DHRSX: variants seen among roughly 807,000 people sequenced by gnomAD.
DHRSX encodes the protein dehydrogenase/reductase X-linked.
In DHRSX, 31 loss-of-function variants were observed where a neutral mutation model predicts 34.0. The ratio of observed to expected loss-of-function variants is 0.91; its 90% CI spans 0.69 to 1.23. DHRSX has a LOEUF of 1.23. Among genes scored for constraint, DHRSX ranks in the 50% most tolerant of loss-of-function variants. The pLI, the probability that DHRSX is intolerant of heterozygous loss-of-function variation, is 0.00. For synonymous variants in DHRSX, 201 were observed against 183.8 expected (o/e 1.09, Z -0.76); for missense variants, 414 against 428.1 (o/e 0.97, Z 0.29).
intron 3 of DHRSX, among the ~76,000 whole-genome samples, chrX:2,361,897 AAATT>A (rs1387955008): frequency 5.3e-5 from 8 of 152,286 alleles, no homozygotes; most frequent in Admixed American, 4.6e-4. Context: ...TTTTCTTCAA[AAATT>A]AATTACAGAG....
At chrX:2,353,133 T>G (rs1170569081) in intron 3 of DHRSX, among the ~76,000 whole-genome samples, 1 of 152,164 alleles carries the variant, frequency 6.6e-6, no homozygotes, top group East Asian at 1.9e-4. Context: ...CAGTCGTAGC[T>G]ACTCGAGAGA....
intron 3 of DHRSX, among the ~76,000 whole-genome samples, chrX:2,314,418 GAAGGA>G: frequency 1.0e-5 from 1 of 98,000 alleles, no homozygotes; most frequent in African/African-American, 6.7e-5. Context: ...GGGAGGGAAG[GAAGGA>G]AGGGGAGAAG....
intron 5 of DHRSX, among the ~76,000 whole-genome samples, chrX:2,250,500 G>C (rs142449139): frequency 0.018 from 2,702 of 152,198 alleles, 27 homozygotes; most frequent in Non-Finnish European, 0.03. Flanking sequence ...TTCTGGGACA[G>C]GGGTGACCAA....
chrX:2,299,609 C>T (rs2041987111), intron 3 of DHRSX, among the ~76,000 whole-genome samples: 1 of 152,106 alleles, frequency 6.6e-6, no homozygotes, highest in South Asian at 2.1e-4. Flanking sequence ...AACCCCAGCA[C>T]TTTGGGAGGC....
chrX:2,344,961 G>T (rs1457108138), intron 3 of DHRSX, among the ~76,000 whole-genome samples: 4 of 138,398 alleles, frequency 2.9e-5, no homozygotes, highest in African/African-American at 1.1e-4. Flanking sequence ...TAAAAATTTT[G>T]AATTTTATAA....
chrX:2,392,837 G>C (rs1158675877), intron 3 of DHRSX, among the ~76,000 whole-genome samples: 1 of 139,634 alleles, frequency 7.2e-6, no homozygotes, highest in Non-Finnish European at 1.5e-5. Context: ...ATAATTTATA[G>C]TTATCATTAT....
At chrX:2,497,307 C>T (rs766150622) in intron 1 of DHRSX, among the ~76,000 whole-genome samples, 23 of 152,250 alleles carry the variant, frequency 1.5e-4, no homozygotes, top group South Asian at 8.3e-4. Flanking sequence ...GCAGGAGAAT[C>T]GCTTGAACCC....
chrX:2,436,230 TAAAAC>T (rs1021078973), intron 1 of DHRSX, among the ~76,000 whole-genome samples: 2 of 151,628 alleles, frequency 1.3e-5, no homozygotes, highest in African/African-American at 4.8e-5. Flanking sequence ...AAATAAATAA[TAAAAC>T]AAAACTAAAA....
At chrX:2,257,646 A>G (rs188134937) in intron 5 of DHRSX, among the ~76,000 whole-genome samples, 57 of 152,018 alleles carry the variant, frequency 3.7e-4, no homozygotes, top group African/African-American at 1.4e-3. Context: ...ATTTTTTGAG[A>G]CAGAGTTTCG....
intron 1 of DHRSX, among the ~76,000 whole-genome samples, chrX:2,442,960 T>A (rs1266888341): frequency 3.9e-5 from 6 of 152,086 alleles, no homozygotes; most frequent in African/African-American, 1.2e-4. Context: ...ATGACTTGTG[T>A]GTGTGTCAAT....
chrX:2,344,665 G>A (rs1375384753), intron 3 of DHRSX, among the ~76,000 whole-genome samples: 1 of 151,782 alleles, frequency 6.6e-6, no homozygotes, highest in Admixed American at 6.6e-5. Flanking sequence ...GTTGAACAAT[G>A]AGAACACATG....
At chrX:2,221,490 T>A (rs1569475509) in intron 6 of DHRSX, among the ~76,000 whole-genome samples, 4 of 152,194 alleles carry the variant, frequency 2.6e-5, no homozygotes, top group Non-Finnish European at 4.4e-5. Context: ...ACTAGGCAGA[T>A]GCATATTAAA....
At chrX:2,443,823 A>G (rs1279572554) in intron 1 of DHRSX, among the ~76,000 whole-genome samples, 3 of 152,000 alleles carry the variant, frequency 2.0e-5, no homozygotes, top group Non-Finnish European at 2.9e-5. Context: ...TGGCCAACAC[A>G]GTGAAACCCC....
At chrX:2,262,552 C>T (rs1378526447) in intron 5 of DHRSX, among the ~76,000 whole-genome samples, 2 of 152,174 alleles carry the variant, frequency 1.3e-5, no homozygotes, top group Non-Finnish European at 2.9e-5. Context: ...TGGTACACAC[C>T]TCACCTGTGC....
rs2015487260 is a variant in DHRSX at position 2,219,928 on chromosome X, A to G, written c.*1113T>C. The G allele has an allele frequency of 6.6e-6, 1 of 152,142 alleles. No individual in the cohort carries two copies. Among genetic ancestry groups the G allele is most frequent in the Non-Finnish European group, 1.5e-5 (1 of 68,026 alleles). 9.4% of individuals were successfully genotyped at this position (152,142 alleles called of 1,614,324 possible). ...CTGGTGAGTAAGAGTGAGCCTCTAT[A>G]CCAAGGATGTACCCTTTGGCTGTGT... is the stretch of plus-strand genomic sequence containing the variant. On this transcript the variant is annotated 3_prime_UTR_variant, in exon 7 of 7. Transcript: ENST00000334651.
chrX:2,403,135 G>A (rs1241893967), intron 3 of DHRSX, among the ~76,000 whole-genome samples: 1 of 151,986 alleles, frequency 6.6e-6, no homozygotes, highest in Non-Finnish European at 1.5e-5. Context: ...CACCTGCCTC[G>A]GCTTTCCAAA....
chrX:2,324,000 T>C (rs2042344842), intron 3 of DHRSX, among the ~76,000 whole-genome samples: 1 of 149,198 alleles, frequency 6.7e-6, no homozygotes, highest in Admixed American at 6.8e-5. Context: ...GAAGTTGCAG[T>C]GAGCCATGAT....
chrX:2,257,923 G>A (rs1468895261), intron 5 of DHRSX, among the ~76,000 whole-genome samples: 2 of 152,122 alleles, frequency 1.3e-5, no homozygotes, highest in Non-Finnish European at 2.9e-5. Flanking sequence ...CACCATGCCC[G>A]GCCGGAGATG....
At chrX:2,239,786 T>A (rs73626183) in intron 6 of DHRSX, among the ~76,000 whole-genome samples, 4,181 of 151,032 alleles carry the variant, frequency 0.028, 216 homozygotes, top group African/African-American at 0.096. Flanking sequence ...ATAAATAAAT[T>A]AAATAAAATA....
Sources: allele counts gnomAD v4.1 joint callset (sites outside exome capture counted in the v4.1 genomes callset), GRCh38; gene constraint gnomAD v4.1.1; transcripts MANE v1.5; gene names NCBI Gene and HGNC (gene_info 2026-07-23, HGNC 2026-07-21).